The following PPIG variants were observed in gnomAD, a reference collection of about 807,000 sequenced individuals.
The protein encoded by PPIG is peptidylprolyl isomerase G.
Under a neutral mutation model 87.9 loss-of-function variants are expected in PPIG, and 26 were observed. That is an observed-to-expected ratio of 0.30 (90% CI 0.22 to 0.41). The LOEUF (loss-of-function observed/expected upper bound fraction) is 0.41, where lower values mean the gene tolerates loss of function less well. Among genes scored for constraint, PPIG ranks in the 10% least tolerant of loss-of-function variants. PPIG has a pLI of 1.00. For synonymous variants in PPIG, 308 were observed against 276.5 expected, an observed-to-expected ratio of 1.11 and a Z score of -1.13; for missense variants, 722 against 879.4, an observed-to-expected ratio of 0.82 and a Z score of 2.26.
At position 169,604,327 on chromosome 2, in the gene PPIG, G is replaced by GTTTTT. The variant is rs71006008; in HGVS notation, c.136+90_136+94dup. On this transcript the variant is annotated intron_variant, in intron 4 of 13. Transcript: ENST00000260970. ...TGACTATGGCTTGCTTGCTTGCTTG[G>GTTTTT]TTTTTTTTTTTTTTTTTTTTTTTTT... 4.8e-4 allele frequency: 167 copies of GTTTTT among 347,356 alleles called. 1 individual carries two copies. Among genetic ancestry groups the GTTTTT allele is most frequent in the African/African-American group, 1.5e-3 (31 of 20,726 alleles). The allele number at this position is 347,356 out of a possible 1,614,324, so 21.5% of individuals were successfully genotyped here.
chr2:169,602,222 C>CA (rs35755825), intron 1 of PPIG, among the ~76,000 whole-genome samples: 60,552 of 150,432 alleles, frequency 0.4, 12,661 homozygotes, highest in East Asian at 0.56. Context: ...TTCCAAAATT[C>CA]AAAAAAAAAA....
intron 9 of PPIG, 146 bp downstream of exon 9, chr2:169,614,870 A>C: frequency 9.9e-7 from 1 of 1,013,974 alleles, no homozygotes; most frequent in Non-Finnish European, 1.4e-6. Context: ...TTTATTTTTT[A>C]CTTTTTTAAG....
chr2:169,616,058 C>T (rs1240315365), intron 9 of PPIG, among the ~76,000 whole-genome samples: 1 of 152,128 alleles, frequency 6.6e-6, no homozygotes, highest in Non-Finnish European at 1.5e-5. Context: ...TACATGTGTT[C>T]TCATTGTTCA....
Position 169,637,171 on chromosome 2 carries a change from G to C in PPIG, c.1913G>C (p.Ser638Thr). 6.2e-7 allele frequency: 1 copy of C among 1,612,912 alleles called. No homozygotes were observed. The highest frequency in any genetic ancestry group is 2.2e-5 in the East Asian group (1 of 44,838). Reference sequence around the variant, plus strand: ...AGCTCAGAGAGAGAAGAAAGTCAAAGCAGAAACAAAGACAAATACAGAAAC... The same window carrying C: ...AGCTCAGAGAGAGAAGAAAGTCAAACCAGAAACAAAGACAAATACAGAAAC... ...SRSSEREESQ[S>T]RNKDKYRNQE... is the part of the protein sequence containing the mutation. The change falls in exon 14 of 14, where the codon AGC becomes ACC. Residue 638 changes from serine to threonine, a missense_variant. Ser to Thr is a moderately conservative substitution (Grantham distance 58). Around this residue, in one of 4 missense-constraint regions of PPIG, gnomAD observed 476 missense variants for 483.1 expected, o/e 0.99. Coordinates refer to ENST00000260970, the MANE Select transcript of PPIG (RefSeq NM_004792.3).
intron 1 of PPIG, among the ~76,000 whole-genome samples, chr2:169,595,173 C>T (rs918459704): frequency 6.6e-6 from 1 of 152,058 alleles, no homozygotes; most frequent in Non-Finnish European, 1.5e-5. Context: ...GGTGGTCCAC[C>T]CGCCTCAGAG....
chr2:169,630,950 A>G lies in PPIG; in HGVS notation c.724A>G (p.Lys242Glu). 6.3e-7 allele frequency: 1 copy of G among 1,596,762 alleles called. No individual in the cohort carries two copies. Among genetic ancestry groups the G allele is most frequent in the Non-Finnish European group, 8.5e-7 (1 of 1,176,050 alleles). The change falls in exon 10 of 14, where the codon AAG (lysine) becomes GAG (glutamate). Residue 242 changes from lysine to glutamate, a missense_variant. Lys to Glu is a moderately conservative substitution (Grantham distance 56). This residue lies in a region of PPIG where 142 missense variants were observed against 152.8 expected (regional missense o/e 0.93). Coordinates refer to ENST00000260970, the MANE Select transcript of PPIG (RefSeq NM_004792.3). Reference protein sequence around the residue: ...KKHRKNSRKHKKEKKKRKKSK... With the variant: ...KKHRKNSRKHEKEKKKRKKSK... The stretch of plus-strand genomic sequence containing the variant: ...ACATCGGAAAAATTCCCGAAAACAC[A>G]AGAAAGAAAAGAAAAAGCGAAAGAA...
At chr2:169,619,952 T>C (rs1344079843) in intron 9 of PPIG, among the ~76,000 whole-genome samples, 3 of 152,160 alleles carry the variant, frequency 2.0e-5, no homozygotes, top group Admixed American at 6.5e-5. Flanking sequence ...ATGAGTTGTT[T>C]GCATTCCTTA....
intron 12 of PPIG, among the ~76,000 whole-genome samples, chr2:169,634,309 G>T (rs1249078642): frequency 6.6e-6 from 1 of 152,074 alleles, no homozygotes; most frequent in Non-Finnish European, 1.5e-5. Flanking sequence ...CGATCTGCCT[G>T]CCTCAGCCTC....
At chr2:169,635,957 CTTT>C (rs993687962) in intron 12 of PPIG, 132 bp from the exon 13 acceptor site, 58 of 469,240 alleles carry the variant, frequency 1.2e-4, no homozygotes, top group African/African-American at 1.2e-3. Flanking sequence ...TGTTTCAATG[CTTT>C]TTATATTTTT....
intron 7 of PPIG, among the ~76,000 whole-genome samples, chr2:169,613,153 A>G (rs1330586985): frequency 6.6e-6 from 1 of 152,194 alleles, no homozygotes; most frequent in Non-Finnish European, 1.5e-5. Context: ...CTAAATGCAA[A>G]TCATATATAT....
At position 169,623,031 on chromosome 2, in the gene PPIG, A is replaced by G. The variant is rs144393086; in HGVS notation, c.548-7743A>G. On this transcript the variant is annotated intron_variant, in intron 9 of 13. Transcript: ENST00000260970. Reference sequence around the variant, plus strand: ...TGTTCTTGGGGAGTCTGGGCAATCAATCTTCCTGGGCCTTTCTCTCTTTGC... The same window carrying G: ...TGTTCTTGGGGAGTCTGGGCAATCAGTCTTCCTGGGCCTTTCTCTCTTTGC... Among the ~76,000 whole-genome samples, 83 of 152,250 alleles carry G rather than the reference A, an allele frequency of 5.5e-4. 1 individual carries two copies. Among genetic ancestry groups the G allele is most frequent in the African/African-American group, 1.6e-3 (68 of 41,560 alleles).
chr2:169,605,731 G>A (rs1168359969), intron 4 of PPIG, among the ~76,000 whole-genome samples: 2 of 151,896 alleles, frequency 1.3e-5, no homozygotes, highest in Non-Finnish European at 2.9e-5. Flanking sequence ...CCCAGGAGGC[G>A]CAGGTTGCAG....
intron 7 of PPIG, among the ~76,000 whole-genome samples, chr2:169,613,403 A>G (rs1685540580): frequency 6.6e-6 from 1 of 151,422 alleles, no homozygotes; most frequent in South Asian, 2.1e-4. Flanking sequence ...TCGAATTTCT[A>G]ATAGCTTTTT....
chr2:169,599,024 A>C (rs922534887), intron 1 of PPIG, among the ~76,000 whole-genome samples: 2 of 151,996 alleles, frequency 1.3e-5, no homozygotes, highest in African/African-American at 4.8e-5. Context: ...ATAACCTTGC[A>C]CATATCTTAT....
At chr2:169,607,190 C>A in intron 6 of PPIG, 42 bp downstream of exon 6, 1 of 1,260,126 alleles carries the variant, frequency 7.9e-7, no homozygotes, top group East Asian at 2.4e-5. Flanking sequence ...AATATTTTGT[C>A]TTTTATTCTA....
At chr2:169,617,825 C>G (rs1685643592) in intron 9 of PPIG, among the ~76,000 whole-genome samples, 1 of 152,160 alleles carries the variant, frequency 6.6e-6, no homozygotes, top group African/African-American at 2.4e-5. Context: ...TTCCTCTCTT[C>G]CTATGTGAAT....
At position 169,621,944 on chromosome 2, in the gene PPIG, T is replaced by A. The variant is rs1013182148; in HGVS notation, c.547+7220T>A. Among the ~76,000 whole-genome samples the A allele has an allele frequency of 0.011, 332 of 30,100 alleles. 10 individuals carry two copies. The East Asian group carries it at 0.11, about 10-fold the overall frequency. The allele number at this position is 30,100 out of a possible 152,430, so 19.7% of individuals were successfully genotyped here. On this transcript the variant is annotated intron_variant, in intron 9 of 13. Coordinates refer to ENST00000260970, the MANE Select transcript of PPIG (RefSeq NM_004792.3). ...CTTCCCTACCAAAAAAAAAAAAAATTTTTTTTTAATTAACCATGTGTAGTC... is the reference window on the plus strand; with the variant it reads ...CTTCCCTACCAAAAAAAAAAAAAATATTTTTTTAATTAACCATGTGTAGTC...
At chr2:169,636,353 A>G (rs1686180486) in intron 13 of PPIG, 60 bp from the exon 14 acceptor site, 2 of 1,469,208 alleles carry the variant, frequency 1.4e-6, no homozygotes, top group East Asian at 4.6e-5. Flanking sequence ...CATTTTAGCT[A>G]ATAATATCTA....
chr2:169,633,807 G>C (rs1167709049), intron 12 of PPIG, among the ~76,000 whole-genome samples: 2 of 148,920 alleles, frequency 1.3e-5, no homozygotes, highest in Non-Finnish European at 3.0e-5. Context: ...ACTTAATCTT[G>C]CTCCTTGTAA....
Sources: allele counts gnomAD v4.1 joint callset (sites outside exome capture counted in the v4.1 genomes callset), GRCh38; gene constraint gnomAD v4.1.1; regional missense constraint gnomAD v4.1.1; transcripts MANE v1.5; gene names NCBI Gene and HGNC (gene_info 2026-07-23, HGNC 2026-07-21).